The following SLC4A4 variants were observed in gnomAD, a reference collection of about 807,000 sequenced individuals.
SLC4A4 encodes the protein solute carrier family 4 member 4, also known as electrogenic sodium bicarbonate cotransporter 1.
In SLC4A4, 27 loss-of-function variants were observed where a neutral mutation model predicts 111.5. The ratio of observed to expected loss-of-function variants is 0.24; its 90% CI spans 0.18 to 0.33. The LOEUF (loss-of-function observed/expected upper bound fraction) is 0.33. Ranked by LOEUF, SLC4A4 falls within the 10% of genes least tolerant of loss-of-function variation. SLC4A4 has a pLI of 1.00. For synonymous variants in SLC4A4, 443 were observed against 463.4 expected, an observed-to-expected ratio of 0.96 and a Z score of 0.57; for missense variants, 909 against 1,315.5, an observed-to-expected ratio of 0.69 and a Z score of 4.78.
upstream of SLC4A4, among the ~76,000 whole-genome samples, chr4:71,183,741 C>G (rs1397872140): frequency 6.6e-6 from 1 of 152,184 alleles, no homozygotes; most frequent in African/African-American, 2.4e-5. Flanking sequence ...CAAGTCCAAA[C>G]AAATATCAGC....
chr4:71,066,169 G>A (rs1741511413), intron 1 of SLC4A4, among the ~76,000 whole-genome samples: 1 of 152,092 alleles, frequency 6.6e-6, no homozygotes, highest in Non-Finnish European at 1.5e-5. Context: ...GTCCAGATGG[G>A]GCAATTGAAG....
At chr4:71,076,993 A>C (rs1355679242) in intron 1 of SLC4A4, among the ~76,000 whole-genome samples, 1 of 151,096 alleles carries the variant, frequency 6.6e-6, no homozygotes, top group Non-Finnish European at 1.5e-5. Context: ...GTCTCAAAAA[A>C]AAATACATAT....
intron 15 of SLC4A4, among the ~76,000 whole-genome samples, chr4:71,491,842 C>T (rs1227226878): frequency 6.6e-6 from 1 of 151,628 alleles, no homozygotes; most frequent in Non-Finnish European, 1.5e-5. Flanking sequence ...TAGTGATTAG[C>T]CTATGGTAAA....
chr4:71,120,666 G>A (rs1035734579), intron 2 of SLC4A4, among the ~76,000 whole-genome samples: 1 of 152,168 alleles, frequency 6.6e-6, no homozygotes, highest in Non-Finnish European at 1.5e-5. Context: ...TCAGAAGTTC[G>A]AGACCAGCCT....
chr4:71,317,075 C>CGTGTGTGT (rs3039073), intron 3 of SLC4A4, among the ~76,000 whole-genome samples: 1,542 of 147,598 alleles, frequency 0.01, 36 homozygotes, highest in African/African-American at 0.036. Context: ...TGTGTGTGTG[C>CGTGTGTGT]GTGTGTGTGT....
chr4:71,447,682 C>T lies in SLC4A4; in HGVS notation c.1002C>T (p.Ala334=), dbSNP rs371124492. 1.2e-6 allele frequency: 2 copies of T among 1,613,054 alleles called. No individual in the cohort carries two copies. Among genetic ancestry groups the T allele is most frequent in the African/African-American group, 2.7e-5 (2 of 74,876 alleles). Residue 334 remains alanine (A), a synonymous_variant, in exon 9 of 26, where the codon GCC becomes GCT. Coordinates refer to ENST00000264485, the MANE Select transcript of SLC4A4 (RefSeq NM_001098484.3). ...TTCTCTTAGGTCCTAAGGGGAAAGC[C>T]AAGTCCTACCACGAGATTGGCAGAG... The part of the protein sequence containing the change: ...LFILLGPKGK[A]KSYHEIGRAI...
chr4:71,202,026 G>A (rs1230316346), intron 1 of SLC4A4, among the ~76,000 whole-genome samples: 5 of 152,186 alleles, frequency 3.3e-5, no homozygotes, highest in Admixed American at 2.6e-4. Flanking sequence ...GGTGTGATAA[G>A]AGCAGTTCAT....
chr4:71,099,747 T>A (rs1742667575), intron 2 of SLC4A4, among the ~76,000 whole-genome samples: 1 of 151,894 alleles, frequency 6.6e-6, no homozygotes. Context: ...CAATTAGAAA[T>A]GACAAAGGGT....
intron 4 of SLC4A4, among the ~76,000 whole-genome samples, chr4:71,339,754 A>G (rs1728734454): frequency 6.6e-6 from 1 of 152,130 alleles, no homozygotes; most frequent in South Asian, 2.1e-4. Flanking sequence ...TGGCTTTTAT[A>G]AGGAATTAGA....
intron 1 of SLC4A4, among the ~76,000 whole-genome samples, chr4:71,207,073 CTGTAG>C (rs1426081459): frequency 6.6e-6 from 1 of 152,076 alleles, no homozygotes; most frequent in Non-Finnish European, 1.5e-5. Context: ...AAATCAAATA[CTGTAG>C]TGTATATTGA....
At chr4:71,122,811 G>A (rs1167158072) in intron 2 of SLC4A4, among the ~76,000 whole-genome samples, 10 of 152,078 alleles carry the variant, frequency 6.6e-5, no homozygotes, top group South Asian at 2.1e-4. Context: ...AACACTGTTC[G>A]TATACACAGG....
intron 4 of SLC4A4, among the ~76,000 whole-genome samples, chr4:71,346,906 A>C (rs1287866337): frequency 6.6e-6 from 1 of 152,188 alleles, no homozygotes; most frequent in Non-Finnish European, 1.5e-5. Flanking sequence ...CTGTGCTGTA[A>C]TATGACATCA....
At chr4:71,242,044 TC>T (rs1180710910) in intron 2 of SLC4A4, among the ~76,000 whole-genome samples, 2 of 152,212 alleles carry the variant, frequency 1.3e-5, no homozygotes, top group Non-Finnish European at 2.9e-5. Flanking sequence ...TGATGATAGT[TC>T]CGTGTGTTTT....
rs575120975 is a variant in SLC4A4, at chr4:71,162,586, G to A, written c.-2+69794G>A. Among the ~76,000 whole-genome samples, 8 of 152,292 alleles carry A rather than the reference G, an allele frequency of 5.3e-5. 1 individual carries two copies. The highest frequency in any genetic ancestry group is 1.9e-4 in the African/African-American group (8 of 41,564). On this transcript the variant is annotated intron_variant, in intron 2 of 26. Coordinates refer to the SLC4A4 transcript ENST00000649996. ...TCTTTTAAATGGATTCATAGTTCAT[G>A]AGAGAGGGGTGTGAACCACTAATGA...
intron 3 of SLC4A4, among the ~76,000 whole-genome samples, chr4:71,315,761 A>T (rs1726629741): frequency 6.6e-6 from 1 of 152,194 alleles, no homozygotes; most frequent in Non-Finnish European, 1.5e-5. Flanking sequence ...TGCCTTAGTT[A>T]TTCTGTCTGA....
chr4:71,476,392 T>C (rs1728376813), intron 14 of SLC4A4, among the ~76,000 whole-genome samples: 1 of 151,666 alleles, frequency 6.6e-6, no homozygotes, highest in Non-Finnish European at 1.5e-5. Context: ...CTTAGTAAAA[T>C]AATTCAATGA....
chr4:71,287,442 C>T (rs1202489179), intron 3 of SLC4A4, among the ~76,000 whole-genome samples: 1 of 152,124 alleles, frequency 6.6e-6, no homozygotes, highest in Non-Finnish European at 1.5e-5. Context: ...TAGGATTGGC[C>T]TGTGTTTTAT....
rs949387292 is a variant in SLC4A4, at chr4:71,187,311, AGGC to A, written c.-76_-74del. Reference sequence around the variant, plus strand: ...GCGGCGGCGGCCGCGGTGGCAGCGAAGGCGGCGGCGGCGGCGGCAGTGGCAGTG... The same window carrying A: ...GCGGCGGCGGCCGCGGTGGCAGCGAAGGCGGCGGCGGCGGCAGTGGCAGTG... On this transcript the variant is annotated 5_prime_UTR_variant, in exon 1 of 26. Coordinates refer to ENST00000264485, the MANE Select transcript of SLC4A4 (RefSeq NM_001098484.3). 205 of 154,404 alleles carry A rather than the reference AGGC, an allele frequency of 1.3e-3. 1 individual carries two copies. The highest frequency in any genetic ancestry group is 4.3e-3 in the African/African-American group (177 of 41,220). 9.6% of individuals were successfully genotyped at this position (154,404 alleles called of 1,614,324 possible). A position where few individuals can be genotyped will look rare whatever the true frequency, so the allele number is the denominator to read the frequency against.
intron 9 of SLC4A4, among the ~76,000 whole-genome samples, chr4:71,449,461 A>G (rs957402449): frequency 2.6e-5 from 4 of 152,194 alleles, no homozygotes; most frequent in Non-Finnish European, 5.9e-5. Context: ...GAGGATGGCT[A>G]TATCAGCCAC....
Sources: allele counts gnomAD v4.1 joint callset (sites outside exome capture counted in the v4.1 genomes callset), GRCh38; gene constraint gnomAD v4.1.1; transcripts MANE v1.5; gene names NCBI Gene and HGNC (gene_info 2026-07-23, HGNC 2026-07-21).